Variants in SUGCT observed in about 807,000 individuals in gnomAD.
The protein encoded by SUGCT is succinyl-CoA:glutarate CoA-transferase.
SUGCT carries 41 observed loss-of-function variants against 55.0 expected under a neutral mutation model. The ratio of observed to expected loss-of-function variants is 0.74; its 90% CI spans 0.58 to 0.97. The LOEUF (loss-of-function observed/expected upper bound fraction) is 0.97, where lower values mean the gene tolerates loss of function less well. Ranked by LOEUF, SUGCT falls within the 50% of genes least tolerant of loss-of-function variation. The pLI is 0.00. For synonymous variants in SUGCT, 187 were observed against 200.4 expected (o/e 0.93, Z 0.56); for missense variants, 568 against 547.8 (o/e 1.04, Z -0.37).
intron 12 of SUGCT, among the ~76,000 whole-genome samples, chr7:40,531,977 T>G (rs1465356591): frequency 6.6e-6 from 1 of 152,180 alleles, no homozygotes; most frequent in Admixed American, 6.5e-5. Flanking sequence ...CCCGGCCATA[T>G]ATATTTTTAT....
rs1351515200 is a variant in SUGCT, at chr7:40,254,816, A to T, written c.576+17090A>T. 4.6e-5 allele frequency among the ~76,000 whole-genome samples: 7 copies of T among 152,052 alleles called. No homozygotes were observed. In the East Asian group the frequency reaches 1.2e-3, roughly 25 times the overall value. On this transcript the variant is annotated intron_variant, in intron 7 of 13. Coordinates refer to ENST00000335693, the MANE Select transcript of SUGCT (RefSeq NM_001193313.2). ...TTAAATAAAATGTACCTTTTTTTAT[A>T]AAAAAAATTTATTTTTCAAAAATTT...
At chr7:40,152,122 G>T (rs953935820) in intron 1 of SUGCT, among the ~76,000 whole-genome samples, 2 of 152,186 alleles carry the variant, frequency 1.3e-5, no homozygotes, top group Non-Finnish European at 2.9e-5. Flanking sequence ...AACTGGGAAG[G>T]TTCAGAATCT....
the SUGCT span, among the ~76,000 whole-genome samples, chr7:41,036,919 T>G: frequency 6.6e-6 from 1 of 152,218 alleles, no homozygotes; most frequent in Non-Finnish European, 1.5e-5. Flanking sequence ...TCTGCTGCAA[T>G]CAGGCACAAA....
At chr7:40,872,553 C>T in the SUGCT span, among the ~76,000 whole-genome samples, 47 of 152,110 alleles carry the variant, frequency 3.1e-4, no homozygotes, top group African/African-American at 1.0e-3. Flanking sequence ...CTGACCAGGC[C>T]GCATCCCCCT....
intron 12 of SUGCT, among the ~76,000 whole-genome samples, chr7:40,700,839 G>A (rs1032431584): frequency 6.6e-6 from 1 of 152,160 alleles, no homozygotes; most frequent in African/African-American, 2.4e-5. Flanking sequence ...TATCTATATT[G>A]TGGGAGTAAG....
the SUGCT span, among the ~76,000 whole-genome samples, chr7:40,898,244 C>G: frequency 6.6e-6 from 1 of 152,266 alleles, no homozygotes; most frequent in African/African-American, 2.4e-5. Context: ...CCAGCTTTCA[C>G]TCGTGAGTTC....
chr7:40,975,462 A>G, the SUGCT span, among the ~76,000 whole-genome samples: 1 of 152,178 alleles, frequency 6.6e-6, no homozygotes. Context: ...ATATCAGAAT[A>G]CCCAACTCAC....
chr7:41,034,072 T>C, the SUGCT span, among the ~76,000 whole-genome samples: 1 of 152,200 alleles, frequency 6.6e-6, no homozygotes, highest in Non-Finnish European at 1.5e-5. Context: ...TATCAAACTG[T>C]TTTGCTTAGG....
At chr7:40,271,492 T>A (rs965534905) in intron 7 of SUGCT, among the ~76,000 whole-genome samples, 1 of 152,180 alleles carries the variant, frequency 6.6e-6, no homozygotes, top group African/African-American at 2.4e-5. Context: ...TGATCTGGGT[T>A]ATGATTTTTA....
intron 9 of SUGCT, among the ~76,000 whole-genome samples, chr7:40,418,146 GT>G (rs1243445554): frequency 6.6e-6 from 1 of 152,038 alleles, no homozygotes; most frequent in Non-Finnish European, 1.5e-5. Flanking sequence ...CTGTGAAATA[GT>G]TTCTTTTTCT....
At position 40,691,133 on chromosome 7, in the gene SUGCT, A is replaced by G. The variant is rs564793885; in HGVS notation, c.1090-58301A>G. ...ATCTCAAAGAATGAAGACGGATTCT[A>G]TAGAAACAGGAAACAAGTGGAGCTG... is the stretch of plus-strand genomic sequence containing the variant. On this transcript the variant is annotated intron_variant, in intron 12 of 13. Transcript: ENST00000335693. Among the ~76,000 whole-genome samples, 58 of 152,350 alleles carry G rather than the reference A, an allele frequency of 3.8e-4. 1 individual carries two copies. The South Asian group carries it at 0.011, about 29-fold the overall frequency.
chr7:40,599,514 G>A (rs2151750256), intron 12 of SUGCT, among the ~76,000 whole-genome samples: 1 of 152,186 alleles, frequency 6.6e-6, no homozygotes, highest in South Asian at 2.1e-4. Flanking sequence ...GTTCCTGTAT[G>A]AGCATGATTC....
the SUGCT span, among the ~76,000 whole-genome samples, chr7:40,926,360 C>G: frequency 6.6e-5 from 10 of 152,046 alleles, no homozygotes; most frequent in Middle Eastern, 3.4e-3. Context: ...CACAAAATTT[C>G]TTCCTTAATG....
At chr7:40,904,845 CAT>C in the SUGCT span, among the ~76,000 whole-genome samples, 111 of 152,204 alleles carry the variant, frequency 7.3e-4, no homozygotes, top group African/African-American at 2.6e-3. Context: ...TTTCAAAACA[CAT>C]AGTTAACTTC....
At chr7:40,335,476 T>G (rs1459358287) in intron 9 of SUGCT, among the ~76,000 whole-genome samples, 10 of 151,874 alleles carry the variant, frequency 6.6e-5, no homozygotes, top group Non-Finnish European at 1.5e-4. Flanking sequence ...CCCTTGTAAG[T>G]TGGATTCCTA....
chr7:40,945,647 G>A, the SUGCT span, among the ~76,000 whole-genome samples: 1 of 152,148 alleles, frequency 6.6e-6, no homozygotes, highest in Admixed American at 6.5e-5. Flanking sequence ...CTGTGGCTCT[G>A]CTGAATGAAA....
intron 13 of SUGCT, among the ~76,000 whole-genome samples, chr7:40,837,978 A>C (rs1279687918): frequency 1.3e-5 from 2 of 152,190 alleles, no homozygotes; most frequent in Non-Finnish European, 2.9e-5. Context: ...ATGGATGGTC[A>C]GTCGCTCTAG....
the SUGCT span, among the ~76,000 whole-genome samples, chr7:40,956,779 A>C: frequency 6.6e-6 from 1 of 152,172 alleles, no homozygotes; most frequent in Non-Finnish European, 1.5e-5. Flanking sequence ...CCCTCTCAAC[A>C]CTGCTTTTGC....
At chr7:40,159,475 A>G (rs1022024035) in intron 1 of SUGCT, among the ~76,000 whole-genome samples, 4 of 151,810 alleles carry the variant, frequency 2.6e-5, no homozygotes, top group Admixed American at 1.3e-4. Flanking sequence ...GGTTCAAGCG[A>G]TTCCCCTGCC....
Sources: allele counts gnomAD v4.1 joint callset (sites outside exome capture counted in the v4.1 genomes callset), GRCh38; gene constraint gnomAD v4.1.1; transcripts MANE v1.5; gene names NCBI Gene and HGNC (gene_info 2026-07-23, HGNC 2026-07-21).